The following DYTN variants were observed in gnomAD, a reference collection of about 807,000 sequenced individuals.
The protein encoded by DYTN is dystrotelin.
In DYTN, 75 loss-of-function variants were observed where a neutral mutation model predicts 69.6. The ratio of observed to expected loss-of-function variants is 1.08; its 90% CI spans 0.89 to 1.31. DYTN has a LOEUF of 1.31. Among genes scored for constraint, DYTN ranks in the 50% most tolerant of loss-of-function variants. The pLI is 0.00. For missense variants in DYTN, 726 were observed against 688.4 expected (o/e 1.05, Z -0.61); for synonymous variants, 252 against 249.1 (o/e 1.01, Z -0.11).
At position 206,663,023 on chromosome 2, in the gene DYTN, C is replaced by A; in HGVS notation, c.1513G>T (p.Ala505Ser). The A allele has an allele frequency of 6.2e-7, 1 of 1,613,844 alleles. No homozygotes were observed. Among genetic ancestry groups the A allele is most frequent in the Non-Finnish European group, 8.5e-7 (1 of 1,179,870 alleles). ...VPAEMSSPAL[A>S]AVEKKEAGNI... ...CCTGCCTCTTTCTTTTCCACGGCTG[C>A]CAGAGCAGGACTGCTCATTTCAGCA... The change falls in exon 11 of 12, where the codon GCA becomes TCA. Residue 505 changes from alanine to serine, a missense_variant. Ala to Ser is a moderately conservative substitution (Grantham distance 99, BLOSUM62 1). Coordinates refer to ENST00000452335, the MANE Select transcript of DYTN (RefSeq NM_001093730.1).
At chr2:206,700,090 T>C (rs1699960748) in intron 6 of DYTN, 55 bp downstream of exon 6, 1 of 1,605,062 alleles carries the variant, frequency 6.2e-7, no homozygotes, top group African/African-American at 1.3e-5. Context: ...GTCAGCAAAC[T>C]ATCCCAATAC....
chr2:206,695,983 A>G (rs1699916631), intron 7 of DYTN, among the ~76,000 whole-genome samples: 1 of 152,240 alleles, frequency 6.6e-6, no homozygotes, highest in Admixed American at 6.5e-5. Context: ...AGTGCTCTTA[A>G]ATTTCATATC....
At chr2:206,700,242 T>C in intron 5 of DYTN, 26 bp from the exon 6 acceptor site, 3 of 1,612,272 alleles carry the variant, frequency 1.9e-6, no homozygotes, top group Non-Finnish European at 2.5e-6. Context: ...TCATCTTAGC[T>C]GTTAGAAAGT....
At chr2:206,692,707 T>A (rs1317073252) in intron 9 of DYTN, among the ~76,000 whole-genome samples, 2 of 152,112 alleles carry the variant, frequency 1.3e-5, no homozygotes, top group East Asian at 3.9e-4. Context: ...AAAAATTGTA[T>A]CTATAGCATA....
At chr2:206,705,037 G>A in intron 4 of DYTN, 94 bp from the exon 5 acceptor site, 1 of 1,008,522 alleles carries the variant, frequency 9.9e-7, no homozygotes, top group Non-Finnish European at 1.5e-6. Context: ...TTGTGGCTAT[G>A]AAAGGAAAGA....
intron 9 of DYTN, among the ~76,000 whole-genome samples, chr2:206,690,026 A>C (rs1368081158): frequency 2.0e-5 from 3 of 152,242 alleles, no homozygotes; most frequent in East Asian, 3.9e-4. Context: ...AATAAATAAT[A>C]AATAAGTAAG....
At chr2:206,665,317 T>G (rs1699557952) in intron 10 of DYTN, among the ~76,000 whole-genome samples, 1 of 152,118 alleles carries the variant, frequency 6.6e-6, no homozygotes, top group Non-Finnish European at 1.5e-5. Context: ...GGGTTTATTA[T>G]TTTTATGTTT....
chr2:206,662,682 C>A (rs1304510800), intron 11 of DYTN, among the ~76,000 whole-genome samples: 2 of 151,234 alleles, frequency 1.3e-5, no homozygotes, highest in Admixed American at 6.6e-5. Context: ...AGGTTCTATA[C>A]TAAAGTCTTA....
intron 1 of DYTN, among the ~76,000 whole-genome samples, chr2:206,717,256 T>C (rs1700138933): frequency 6.6e-6 from 1 of 152,176 alleles, no homozygotes; most frequent in African/African-American, 2.4e-5. Context: ...GCTACATCAG[T>C]ATATTTATTT....
intron 2 of DYTN, among the ~76,000 whole-genome samples, chr2:206,709,673 G>A (rs1378966351): frequency 6.6e-6 from 1 of 152,016 alleles, no homozygotes; most frequent in Non-Finnish European, 1.5e-5. Flanking sequence ...TTTTTAGGCA[G>A]GAGGAAAAAT....
chr2:206,663,909 AT>A (rs1699540616), intron 10 of DYTN, among the ~76,000 whole-genome samples: 1 of 152,168 alleles, frequency 6.6e-6, no homozygotes, highest in Non-Finnish European at 1.5e-5. Flanking sequence ...TGTCAAAATT[AT>A]GTTCATAAGG....
At chr2:206,690,393 A>T (rs2105896532) in intron 9 of DYTN, among the ~76,000 whole-genome samples, 1 of 152,342 alleles carries the variant, frequency 6.6e-6, no homozygotes. Context: ...GGCCACTGGA[A>T]GGACTGTGAC....
intron 11 of DYTN, among the ~76,000 whole-genome samples, chr2:206,661,198 T>A (rs533613441): frequency 3.5e-4 from 54 of 152,282 alleles, no homozygotes; most frequent in African/African-American, 1.2e-3. Context: ...GATCTTGGAC[T>A]TCTGGCCTCC....
At chr2:206,657,262 C>A (rs1055699415) in intron 11 of DYTN, among the ~76,000 whole-genome samples, 8 of 152,062 alleles carry the variant, frequency 5.3e-5, no homozygotes, top group South Asian at 2.1e-4. Context: ...TATAGGCATG[C>A]GTCACCACAC....
chr2:206,683,339 C>CTTTTTTTTTTTTTTTTTT (rs10531348), intron 9 of DYTN, among the ~76,000 whole-genome samples: 1 of 111,934 alleles, frequency 8.9e-6, no homozygotes, highest in Non-Finnish European at 1.8e-5. Flanking sequence ...TTTACTTTTT[C>CTTTTTTTTTTTTTTTTTT]TTTTTTTTTT....
At chr2:206,704,536 G>A (rs75968757) in intron 5 of DYTN, among the ~76,000 whole-genome samples, 10,197 of 152,216 alleles carry the variant, frequency 0.067, 484 homozygotes, top group Non-Finnish European at 0.092. Context: ...TCTTTGCTAA[G>A]CTATTTTACA....
chr2:206,712,868 G>T (rs982990565), intron 1 of DYTN, among the ~76,000 whole-genome samples: 1 of 152,224 alleles, frequency 6.6e-6, no homozygotes, highest in Non-Finnish European at 1.5e-5. Context: ...ATGTTCCAAT[G>T]AATCTGGGTT....
intron 11 of DYTN, among the ~76,000 whole-genome samples, chr2:206,659,600 C>T (rs759897914): frequency 4.7e-5 from 7 of 150,300 alleles, no homozygotes; most frequent in Admixed American, 4.7e-4. Flanking sequence ...TTTGATTTTG[C>T]TTGTTTCACT....
At chr2:206,713,835 A>C (rs1174525678) in intron 1 of DYTN, among the ~76,000 whole-genome samples, 1 of 152,222 alleles carries the variant, frequency 6.6e-6, no homozygotes, top group Non-Finnish European at 1.5e-5. Flanking sequence ...TGGTGCCCAG[A>C]GGAAGAAGTC....
Sources: gnomAD v4.1 joint callset for allele counts (sites outside exome capture counted in the v4.1 genomes callset) on GRCh38, gnomAD v4.1.1 for gene constraint, MANE v1.5 for transcripts, NCBI Gene and HGNC (gene_info 2026-07-23, HGNC 2026-07-21) for gene names.